The following SEPSECS variants were observed in gnomAD, a reference collection of about 807,000 sequenced individuals.
SEPSECS encodes Sep (O-phosphoserine) tRNA:Sec (selenocysteine) tRNA synthase.
In SEPSECS, 42 loss-of-function variants were observed where a neutral mutation model predicts 52.1. That is an observed-to-expected ratio of 0.81 (90% CI 0.63 to 1.04). The LOEUF is 1.04. Among genes scored for constraint, SEPSECS ranks in the 50% least tolerant of loss-of-function variants. The pLI, the probability that SEPSECS is intolerant of heterozygous loss-of-function variation, is 0.00. For synonymous variants in SEPSECS, 216 were observed against 211.4 expected (o/e 1.02, Z -0.19); for missense variants, 590 against 610.6 (o/e 0.97, Z 0.36).
At chr4:25,128,754 T>C (rs1017714370) in intron 8 of SEPSECS, among the ~76,000 whole-genome samples, 1 of 151,772 alleles carries the variant, frequency 6.6e-6, no homozygotes, top group Non-Finnish European at 1.5e-5. Context: ...AGAAAAAACA[T>C]ATAAACTCTA....
intron 1 of SEPSECS, chr4:25,159,446 G>T (rs1032024022): frequency 2.9e-6 from 1 of 343,456 alleles, no homozygotes; most frequent in African/African-American, 2.2e-5. Context: ...GCGGTGGGAC[G>T]TGGAGAAGGG....
intron 6 of SEPSECS, among the ~76,000 whole-genome samples, chr4:25,147,934 T>C (rs1712064715): frequency 6.6e-6 from 1 of 152,212 alleles, no homozygotes; most frequent in Admixed American, 6.5e-5. Context: ...CTGAACTAGA[T>C]GGGCTATTTT....
chr4:25,139,806 G>T (rs1728988360), intron 8 of SEPSECS, among the ~76,000 whole-genome samples: 1 of 152,130 alleles, frequency 6.6e-6, no homozygotes, highest in Admixed American at 6.6e-5. Context: ...GAAATGGAAA[G>T]AAATGAATGT....
chr4:25,142,962 G>A (rs981430181), intron 8 of SEPSECS, among the ~76,000 whole-genome samples: 5 of 152,160 alleles, frequency 3.3e-5, no homozygotes, highest in Non-Finnish European at 7.4e-5. Context: ...TTTCCAGGAC[G>A]AAACGACTAG....
chr4:25,156,951 G>T lies in SEPSECS; in HGVS notation c.293C>A (p.Ser98Tyr). Residue 98 changes from serine to tyrosine, a missense_variant, in exon 3 of 11, where the codon TCC becomes TAC. Transcript: ENST00000382103. Reference protein sequence around the residue: ...HYRFIHGIGRSGDISAVQPKA... With the variant: ...HYRFIHGIGRYGDISAVQPKA... The stretch of plus-strand genomic sequence containing the variant: ...TGGTTGCACAGCAGAAATATCACCG[G>T]ATCGTCCAATGCCATGAATGAACCT... 6.2e-7 allele frequency: 1 copy of T among 1,611,852 alleles called. No homozygotes were observed.
chr4:25,156,492 C>A (rs1004528877), intron 3 of SEPSECS, among the ~76,000 whole-genome samples: 2 of 151,554 alleles, frequency 1.3e-5, no homozygotes, highest in African/African-American at 4.8e-5. Flanking sequence ...ATCACGAGGT[C>A]AGGAGATCGA....
chr4:25,135,895 C>T (rs998475190), intron 8 of SEPSECS, among the ~76,000 whole-genome samples: 5 of 152,114 alleles, frequency 3.3e-5, no homozygotes, highest in Admixed American at 2.0e-4. Flanking sequence ...AAGGCTGGTT[C>T]AACACACGCA....
At chr4:25,125,561 C>G (rs1728325122) in intron 10 of SEPSECS, 133 bp downstream of exon 10, 1 of 707,416 alleles carries the variant, frequency 1.4e-6, no homozygotes, top group African/African-American at 1.8e-5. Flanking sequence ...TCTAACTCAT[C>G]ATTCTTTACT....
intron 2 of SEPSECS, among the ~76,000 whole-genome samples, chr4:25,157,449 G>A (rs1712740979): frequency 6.6e-6 from 1 of 152,076 alleles, no homozygotes; most frequent in African/African-American, 2.4e-5. Flanking sequence ...AAAGCTATGA[G>A]AGGTAACAAT....
chr4:25,130,577 A>C (rs1044198668), intron 8 of SEPSECS, among the ~76,000 whole-genome samples: 13 of 152,200 alleles, frequency 8.5e-5, no homozygotes, highest in Admixed American at 7.9e-4. Flanking sequence ...ATTTGAAGCA[A>C]GTTCACATCC....
chr4:25,145,927 T>C (rs1711936077), intron 6 of SEPSECS, among the ~76,000 whole-genome samples: 1 of 152,228 alleles, frequency 6.6e-6, no homozygotes, highest in African/African-American at 2.4e-5. Context: ...GCAATGTTTC[T>C]ACATAACTCA....
intron 3 of SEPSECS, 83 bp from the exon 4 acceptor site, chr4:25,156,278 T>C (rs970631943): frequency 1.2e-5 from 15 of 1,274,964 alleles, no homozygotes; most frequent in Admixed American, 1.8e-5. Flanking sequence ...ATTTCATATA[T>C]AAAATAGTAA....
Position 25,123,419 on chromosome 4 carries a change from G to A in SEPSECS, c.*512C>T, listed in dbSNP as rs1728213350. Reference sequence around the variant, plus strand: ...TCAGATAAGCGAATCATCCCCAGTTGAGACCCACTGCTTTTGAGTCAAAAC... The same window carrying A: ...TCAGATAAGCGAATCATCCCCAGTTAAGACCCACTGCTTTTGAGTCAAAAC... On this transcript the variant is annotated 3_prime_UTR_variant, in exon 11 of 11. Coordinates refer to ENST00000382103, the MANE Select transcript of SEPSECS (RefSeq NM_016955.4). 1 of 171,142 alleles carries A rather than the reference G, an allele frequency of 5.8e-6. No homozygotes were observed. The highest frequency in any genetic ancestry group is 1.3e-5 in the Non-Finnish European group (1 of 78,654). 10.6% of individuals were successfully genotyped at this position (171,142 alleles called of 1,614,324 possible).
chr4:25,129,644 G>A lies in SEPSECS; in HGVS notation c.1027-2287C>T, dbSNP rs187564861. On this transcript the variant is annotated intron_variant, in intron 8 of 10. Transcript: ENST00000382103. Reference sequence around the variant, plus strand: ...GACCTCAGGTGATCCACCCGCCTCGGCCTCCCAAAGTGCTGGGATTACACC... The same window carrying A: ...GACCTCAGGTGATCCACCCGCCTCGACCTCCCAAAGTGCTGGGATTACACC... Among the ~76,000 whole-genome samples the A allele has an allele frequency of 7.0e-3, 1,070 of 151,898 alleles. 6 individuals are homozygous for A. Among genetic ancestry groups the A allele is most frequent in the Non-Finnish European group, 0.01 (684 of 67,918 alleles).
At chr4:25,132,818 C>T (rs190665758) in intron 8 of SEPSECS, among the ~76,000 whole-genome samples, 57 of 152,260 alleles carry the variant, frequency 3.7e-4, no homozygotes, top group Admixed American at 8.5e-4. Flanking sequence ...GGCCAGTGAT[C>T]ACTCCCTCAA....
intron 2 of SEPSECS, among the ~76,000 whole-genome samples, chr4:25,157,248 C>A (rs1305253921): frequency 1.3e-5 from 2 of 152,186 alleles, no homozygotes; most frequent in African/African-American, 4.8e-5. Flanking sequence ...GAGATGGAGT[C>A]TACTTCCTCT....
chr4:25,127,295 C>A lies in SEPSECS; in HGVS notation c.1089G>T (p.Leu363=), dbSNP rs373414906. Residue 363 remains leucine (L), a synonymous_variant, in exon 9 of 11, where the codon CTG becomes CTT. Coordinates refer to ENST00000382103, the MANE Select transcript of SEPSECS (RefSeq NM_016955.4). ...KKLSEAYNER[L]LHTPHNPISL... ...ATATGGGATTGTGAGGTGTATGCAA[C>A]AGTCTTTCATTGTAGGCTTCTGACA... is the stretch of plus-strand genomic sequence containing the variant. 1.6e-5 allele frequency: 26 copies of A among 1,612,814 alleles called. No homozygotes were observed. The highest frequency in any genetic ancestry group is 2.2e-5 in the Non-Finnish European group (26 of 1,179,278).
At position 25,156,877 on chromosome 4, in the gene SEPSECS, G is replaced by T; in HGVS notation, c.367C>A (p.Leu123Met). ...LLNKITNSLV[L>M]DIIKLAGVHT... The stretch of plus-strand genomic sequence containing the variant: ...ATACCAGCCAGCTTTATAATGTCCA[G>T]GACCAAAGAATTGGTAATTTTGTTC... Residue 123 changes from leucine (L) to methionine (M), a missense_variant, in exon 3 of 11, where the codon CTG becomes ATG. Physicochemically the swap from Leu to Met is conservative, Grantham distance 15. Coordinates refer to ENST00000382103, the MANE Select transcript of SEPSECS (RefSeq NM_016955.4). 6.3e-7 allele frequency: 1 copy of T among 1,599,372 alleles called. No homozygotes were observed.
intron 5 of SEPSECS, 102 bp downstream of exon 5, chr4:25,154,896 A>G (rs1030818559): frequency 2.0e-5 from 24 of 1,196,800 alleles, no homozygotes; most frequent in Non-Finnish European, 2.7e-5. Context: ...CAGACCATTC[A>G]CCTATTTATT....
Sources: gnomAD v4.1 joint callset for allele counts (sites outside exome capture counted in the v4.1 genomes callset) on GRCh38, gnomAD v4.1.1 for gene constraint, MANE v1.5 for transcripts, NCBI Gene and HGNC (gene_info 2026-07-23, HGNC 2026-07-21) for gene names.